The following CAMK1D variants were observed in gnomAD, a reference collection of about 807,000 sequenced individuals.
The protein encoded by CAMK1D is calcium/calmodulin dependent protein kinase ID.
Under a neutral mutation model 47.7 loss-of-function variants are expected in CAMK1D, and 9 were observed. The observed-to-expected ratio is 0.19, with a 90% CI of 0.11 to 0.33. The LOEUF (loss-of-function observed/expected upper bound fraction) is 0.33. Ranked by LOEUF, CAMK1D falls within the 10% of genes least tolerant of loss-of-function variation. The pLI is 1.00. For synonymous variants in CAMK1D, 184 were observed against 184.9 expected (o/e 0.99, Z 0.04); for missense variants, 291 against 488.7 (o/e 0.60, Z 3.81).
chr10:12,473,598 A>G (rs1272804185), intron 1 of CAMK1D, among the ~76,000 whole-genome samples: 2 of 152,216 alleles, frequency 1.3e-5, no homozygotes, highest in African/African-American at 2.4e-5. Flanking sequence ...AACTGAGGCC[A>G]GAGAGGCTGA....
chr10:12,761,066 A>G lies in CAMK1D; in HGVS notation c.418A>G (p.Ile140Val), dbSNP rs780191189. 6.2e-7 allele frequency: 1 copy of G among 1,614,168 alleles called. No individual in the cohort carries two copies. Among genetic ancestry groups the G allele is most frequent in the East Asian group, 2.2e-5 (1 of 44,870 alleles). ...CGTGTACTATCTCCACAGAATGGGC[A>G]TCGTCCACAGAGACCTCAAGGTGAG... is the stretch of plus-strand genomic sequence containing the variant. ...DAVYYLHRMGIVHRDLKPENL... is the reference protein window; with the variant it reads ...DAVYYLHRMGVVHRDLKPENL... The change falls in exon 4 of 11, where the codon ATC becomes GTC. Residue 140 changes from isoleucine (I) to valine (V), a missense_variant. Ile to Val is a conservative substitution (Grantham distance 29). Around this residue, in one of 2 missense-constraint regions of CAMK1D, gnomAD observed 219 missense variants for 424.3 expected, o/e 0.52. Transcript: ENST00000619168.
chr10:12,406,313 A>G (rs1052014700), intron 1 of CAMK1D, among the ~76,000 whole-genome samples: 15 of 152,178 alleles, frequency 9.9e-5, no homozygotes, highest in African/African-American at 3.6e-4. Context: ...GCCAAACACC[A>G]AAACAAATTC....
At chr10:12,512,334 G>A (rs1047225983) in intron 1 of CAMK1D, among the ~76,000 whole-genome samples, 4 of 152,142 alleles carry the variant, frequency 2.6e-5, no homozygotes, top group Admixed American at 6.5e-5. Flanking sequence ...ACTACCTTAC[G>A]TTGTCACTGG....
chr10:12,601,858 C>T (rs565792330), intron 2 of CAMK1D, among the ~76,000 whole-genome samples: 19 of 152,358 alleles, frequency 1.2e-4, no homozygotes, highest in Admixed American at 1.0e-3. Flanking sequence ...CTCGGTAGCT[C>T]GTTTCAGCTC....
chr10:12,501,198 T>G (rs924058234), intron 1 of CAMK1D, among the ~76,000 whole-genome samples: 1 of 152,224 alleles, frequency 6.6e-6, no homozygotes, highest in Non-Finnish European at 1.5e-5. Context: ...ATTTCCTGTT[T>G]ATTTTAGTTT....
Position 12,553,355 on chromosome 10 carries a change from A to C in CAMK1D, c.223A>C (p.Lys75Gln), listed in dbSNP as rs761555171. ...AGAGAATGAGATAGCCGTCCTGAGAAAGTAAGTGCTGGAGGGCAACCCTCC... is the reference window on the plus strand; with the variant it reads ...AGAGAATGAGATAGCCGTCCTGAGACAGTAAGTGCTGGAGGGCAACCCTCC... ...SIENEIAVLR[K>Q]IKHENIVALE... is the part of the protein sequence containing the mutation. The change falls in exon 2 of 11, where the codon AAG (lysine) becomes CAG (glutamine). Residue 75 changes from lysine to glutamine, a missense_variant and splice_region_variant. Coordinates refer to ENST00000619168, the MANE Select transcript of CAMK1D (RefSeq NM_153498.4). 3.7e-6 allele frequency: 6 copies of C among 1,608,796 alleles called. No homozygotes were observed. The highest frequency in any genetic ancestry group is 5.1e-6 in the Non-Finnish European group (6 of 1,175,348).
intron 1 of CAMK1D, among the ~76,000 whole-genome samples, chr10:12,524,204 A>ATTTTTTGTATTTTT (rs1564390693): frequency 1.3e-5 from 2 of 151,716 alleles, no homozygotes; most frequent in Non-Finnish European, 2.9e-5. Context: ...TGAGATCGTA[A>ATTTTTTGTATTTTT]TCCGCCCATC....
chr10:12,739,281 C>T (rs1269480859), intron 3 of CAMK1D, among the ~76,000 whole-genome samples: 2 of 151,656 alleles, frequency 1.3e-5, no homozygotes, highest in Non-Finnish European at 2.9e-5. Flanking sequence ...GATACGTTCC[C>T]CTCTCCCCCC....
At chr10:12,514,345 T>C (rs543105374) in intron 1 of CAMK1D, among the ~76,000 whole-genome samples, 17 of 152,320 alleles carry the variant, frequency 1.1e-4, no homozygotes, top group South Asian at 8.3e-4. Flanking sequence ...TGGGCCACAT[T>C]TGGAAGTGTG....
chr10:12,679,479 TG>T (rs1276678178), intron 3 of CAMK1D, among the ~76,000 whole-genome samples: 4 of 152,208 alleles, frequency 2.6e-5, no homozygotes, highest in African/African-American at 9.6e-5. Flanking sequence ...GATAAAAACT[TG>T]GGGCTTATAA....
chr10:12,792,781 G>A (rs919343672), intron 6 of CAMK1D, among the ~76,000 whole-genome samples: 6 of 152,230 alleles, frequency 3.9e-5, no homozygotes, highest in African/African-American at 1.4e-4. Flanking sequence ...ATGGAAATTG[G>A]TAAAGGGCAG....
chr10:12,438,791 T>A (rs922204466), intron 1 of CAMK1D, among the ~76,000 whole-genome samples: 1 of 152,264 alleles, frequency 6.6e-6, no homozygotes. Context: ...CCTTTGCTTT[T>A]CTTCCCTGCC....
At chr10:12,594,191 G>A (rs1838079220) in intron 2 of CAMK1D, among the ~76,000 whole-genome samples, 1 of 152,148 alleles carries the variant, frequency 6.6e-6, no homozygotes, top group Non-Finnish European at 1.5e-5. Context: ...TAAGAGGTGA[G>A]CTCAGCTTAA....
At chr10:12,665,609 G>T (rs914621099) in intron 2 of CAMK1D, among the ~76,000 whole-genome samples, 2 of 152,184 alleles carry the variant, frequency 1.3e-5, no homozygotes, top group African/African-American at 4.8e-5. Context: ...GAGGCTTATG[G>T]TAAGAGCTAA....
intron 6 of CAMK1D, among the ~76,000 whole-genome samples, chr10:12,813,068 ATTGTGTGTGT>A (rs1401740814): frequency 6.6e-6 from 1 of 152,206 alleles, no homozygotes; most frequent in Non-Finnish European, 1.5e-5. Context: ...TTCCACTCCC[ATTGTGTGTGT>A]CAGATGCCTG....
rs77143786 is a variant in CAMK1D at position 12,528,255 on chromosome 10, G to T, written c.93-24970G>T. Among the ~76,000 whole-genome samples the T allele has an allele frequency of 9.3e-4, 141 of 152,342 alleles. 4 individuals carry two copies. The East Asian group carries it at 0.026, about 28-fold the overall frequency. On this transcript the variant is annotated intron_variant, in intron 1 of 10. Transcript: ENST00000619168. ...ACAATTATACAATAAGAAGAAGCAT[G>T]TTAATGTCTTAACACTTGACTATCA...
intron 3 of CAMK1D, among the ~76,000 whole-genome samples, chr10:12,674,762 G>T (rs946008943): frequency 6.6e-6 from 1 of 151,732 alleles, no homozygotes; most frequent in Non-Finnish European, 1.5e-5. Flanking sequence ...GGTCAGGCGC[G>T]GTGGCTCACG....
intron 1 of CAMK1D, among the ~76,000 whole-genome samples, chr10:12,489,617 C>T (rs1181117919): frequency 6.6e-6 from 1 of 152,160 alleles, no homozygotes; most frequent in Non-Finnish European, 1.5e-5. Context: ...TTTCTCCCTG[C>T]TTACTTCTGT....
chr10:12,623,577 G>T (rs1358651651), intron 2 of CAMK1D, among the ~76,000 whole-genome samples: 5 of 133,066 alleles, frequency 3.8e-5, no homozygotes, highest in African/African-American at 1.4e-4. Context: ...AAAAACTTTT[G>T]TCATGGAATA....
Sources: allele counts gnomAD v4.1 joint callset (sites outside exome capture counted in the v4.1 genomes callset), GRCh38; gene constraint gnomAD v4.1.1; regional missense constraint gnomAD v4.1.1; transcripts MANE v1.5; gene names NCBI Gene and HGNC (gene_info 2026-07-23, HGNC 2026-07-21).